The following ABTB3 variants were observed in gnomAD, a reference collection of about 807,000 sequenced individuals.
ABTB3 encodes ankyrin repeat- and BTB/POZ domain-containing protein 3.
chr12:107,456,438 G>A, the ABTB3 span, among the ~76,000 whole-genome samples: 1 of 152,238 alleles, frequency 6.6e-6, no homozygotes, highest in African/African-American at 2.4e-5. Flanking sequence ...TGTGAACTAT[G>A]CATGTGACAG....
the ABTB3 span, among the ~76,000 whole-genome samples, chr12:107,643,269 TCA>T: frequency 7.9e-5 from 12 of 151,708 alleles, no homozygotes; most frequent in Admixed American, 2.0e-4. Flanking sequence ...CCGGGCGTGG[TCA>T]CACACACCTG....
the ABTB3 span, among the ~76,000 whole-genome samples, chr12:107,564,314 G>T: frequency 6.6e-6 from 1 of 152,106 alleles, no homozygotes; most frequent in African/African-American, 2.4e-5. Flanking sequence ...AGAGAGCCAA[G>T]ACTCACTCAT....
At chr12:107,336,595 T>C in the ABTB3 span, among the ~76,000 whole-genome samples, 1 of 152,096 alleles carries the variant, frequency 6.6e-6, no homozygotes, top group Non-Finnish European at 1.5e-5. Context: ...CTGGTATTGT[T>C]GGGACTGTCA....
At chr12:107,638,863 G>A in the ABTB3 span, among the ~76,000 whole-genome samples, 1 of 152,144 alleles carries the variant, frequency 6.6e-6, no homozygotes, top group African/African-American at 2.4e-5. Flanking sequence ...GAGATTTCTA[G>A]CCTCAGAGCC....
At chr12:107,598,783 G>A in the ABTB3 span, among the ~76,000 whole-genome samples, 1 of 152,204 alleles carries the variant, frequency 6.6e-6, no homozygotes, top group African/African-American at 2.4e-5. Flanking sequence ...CCATTTTACA[G>A]ACAAGGAAAC....
chr12:107,608,968 T>TATAAAATAAAATATAAA, the ABTB3 span, among the ~76,000 whole-genome samples: 1 of 101,858 alleles, frequency 9.8e-6, no homozygotes, highest in Admixed American at 1.0e-4. Flanking sequence ...TAAAATAAAA[T>TATAAAATAAAATATAAA]ATAAAATAAA....
At chr12:107,469,501 T>C in the ABTB3 span, among the ~76,000 whole-genome samples, 1 of 151,458 alleles carries the variant, frequency 6.6e-6, no homozygotes, top group Non-Finnish European at 1.5e-5. Flanking sequence ...CCATAAGGAG[T>C]AAGTTAGGTG....
the ABTB3 span, among the ~76,000 whole-genome samples, chr12:107,546,559 A>C: frequency 6.6e-6 from 1 of 152,100 alleles, no homozygotes; most frequent in South Asian, 2.1e-4. Context: ...TTTCTACTTC[A>C]GTTTCTACTT....
At chr12:107,417,535 A>G in the ABTB3 span, among the ~76,000 whole-genome samples, 1 of 152,328 alleles carries the variant, frequency 6.6e-6, no homozygotes, top group African/African-American at 2.4e-5. Flanking sequence ...TGGGACTTTG[A>G]CCACCATTTA....
At chr12:107,374,549 G>A in the ABTB3 span, among the ~76,000 whole-genome samples, 1 of 152,150 alleles carries the variant, frequency 6.6e-6, no homozygotes, top group African/African-American at 2.4e-5. Context: ...GAGCTCCGTG[G>A]CCCCACCCAA....
chr12:107,488,631 A>C, the ABTB3 span, among the ~76,000 whole-genome samples: 26 of 151,546 alleles, frequency 1.7e-4, no homozygotes, highest in African/African-American at 6.0e-4. Flanking sequence ...GCAAGGAAGC[A>C]ATCAAAACTT....
At chr12:107,455,864 A>C in the ABTB3 span, among the ~76,000 whole-genome samples, 1 of 152,128 alleles carries the variant, frequency 6.6e-6, no homozygotes, top group Non-Finnish European at 1.5e-5. Flanking sequence ...GCCTATTCGC[A>C]TGGCCATGCT....
At chr12:107,499,993 A>T in the ABTB3 span, among the ~76,000 whole-genome samples, 1 of 152,058 alleles carries the variant, frequency 6.6e-6, no homozygotes, top group African/African-American at 2.4e-5. Context: ...GCTGCCAAAC[A>T]CTTTTAAACC....
the ABTB3 span, among the ~76,000 whole-genome samples, chr12:107,512,850 A>T: frequency 1.3e-5 from 2 of 152,216 alleles, no homozygotes; most frequent in African/African-American, 4.8e-5. Flanking sequence ...TATACATATT[A>T]ACTTTTTTAA....
the ABTB3 span, among the ~76,000 whole-genome samples, chr12:107,398,571 G>A: frequency 2.0e-5 from 3 of 152,190 alleles, no homozygotes; most frequent in Non-Finnish European, 4.4e-5. Flanking sequence ...ATTCAGAAAT[G>A]TCTCTTTATT....
At chr12:107,473,848 C>T in the ABTB3 span, among the ~76,000 whole-genome samples, 1 of 150,474 alleles carries the variant, frequency 6.6e-6, no homozygotes, top group East Asian at 2.0e-4. Context: ...GTTGCTCAGG[C>T]TGGAGTGCAG....
the ABTB3 span, among the ~76,000 whole-genome samples, chr12:107,416,542 C>A: frequency 6.6e-6 from 1 of 152,190 alleles, no homozygotes; most frequent in African/African-American, 2.4e-5. Flanking sequence ...CCCATCACCT[C>A]CCTGTCTTAC....
chr12:107,411,153 A>C, the ABTB3 span, among the ~76,000 whole-genome samples: 1 of 152,118 alleles, frequency 6.6e-6, no homozygotes, highest in Non-Finnish European at 1.5e-5. Flanking sequence ...TACAAAAAAA[A>C]TCTGGGCGTG....
chr12:107,481,225 G>A, the ABTB3 span, among the ~76,000 whole-genome samples: 1 of 152,168 alleles, frequency 6.6e-6, no homozygotes, highest in East Asian at 1.9e-4. Flanking sequence ...CAGAAACACT[G>A]GCCTTGTATC....
Sources: allele counts gnomAD v4.1 joint callset (sites outside exome capture counted in the v4.1 genomes callset), GRCh38; gene constraint gnomAD v4.1.1; transcripts MANE v1.5; gene names NCBI Gene and HGNC (gene_info 2026-07-23, HGNC 2026-07-21).